Variants in PPP1R14C observed in about 807,000 individuals in gnomAD.
PPP1R14C encodes protein phosphatase 1 regulatory subunit 14C.
In PPP1R14C, 16 loss-of-function variants were observed where a neutral mutation model predicts 20.4. The ratio of observed to expected loss-of-function variants is 0.78; its 90% confidence interval spans 0.53 to 1.19. The LOEUF (loss-of-function observed/expected upper bound fraction) is 1.19. Ranked by LOEUF, PPP1R14C falls within the 50% of genes most tolerant of loss-of-function variation. PPP1R14C has a pLI of 0.00. For missense variants in PPP1R14C, 211 were observed against 220.1 expected, an observed-to-expected ratio of 0.96 and a Z score of 0.26; for synonymous variants, 91 against 91.0, an observed-to-expected ratio of 1.00 and a Z score of 0.00.
Position 150,143,262 on chromosome 6 carries a change from C to A in PPP1R14C, c.70C>A (p.Gln24Lys), listed in dbSNP as rs1777136744. Residue 24 changes from glutamine to lysine, a missense_variant, in exon 1 of 4, where the codon CAA (glutamine) becomes AAA (lysine). Transcript: ENST00000361131. This position sits in a 1 kb window ranked among gnomAD's most constrained non-coding sequence, Gnocchi z 5.6. ...CGGCGGCGGCGCACGGGTTTTCTTC[C>A]AAAGCCCCCGGGGTGGCGCCGGTGG... Reference protein sequence around the residue: ...ASGGGARVFFQSPRGGAGGSP... With the variant: ...ASGGGARVFFKSPRGGAGGSP... The A allele has an allele frequency of 6.8e-7, 1 of 1,466,610 alleles. No homozygotes were observed. Among genetic ancestry groups the A allele is most frequent in the Non-Finnish European group, 8.9e-7 (1 of 1,120,028 alleles). 90.8% of individuals were successfully genotyped at this position (1,466,610 alleles called of 1,614,324 possible).
At chr6:150,183,124 G>GT (rs1273467047) in intron 1 of PPP1R14C, among the ~76,000 whole-genome samples, 5 of 151,262 alleles carry the variant, frequency 3.3e-5, no homozygotes, top group Admixed American at 2.0e-4. Context: ...ATATTCTGTT[G>GT]TTTTTTTAAT....
In PPP1R14C at chr6:150,204,179, C is replaced by T. The variant is rs925347506; in HGVS notation, c.307-10565C>T. ...GTTCTCAGTGTCCTCGTTTATGCCA[C>T]GGCTTAGAAGATTGTCCTTGCCATC... On this transcript the variant is annotated intron_variant, in intron 1 of 3. Coordinates refer to ENST00000361131, the MANE Select transcript of PPP1R14C (RefSeq NM_030949.3). Among the ~76,000 whole-genome samples the T allele has an allele frequency of 5.3e-5, 8 of 152,328 alleles. No individual in the cohort carries two copies. In the East Asian group the frequency reaches 7.7e-4, roughly 15 times the overall value.
chr6:150,228,090 G>A (rs1350061905), intron 3 of PPP1R14C, among the ~76,000 whole-genome samples: 2 of 152,264 alleles, frequency 1.3e-5, no homozygotes, highest in South Asian at 2.1e-4. Flanking sequence ...TTGAGCACAA[G>A]CTCTACTTTA....
At position 150,143,053 on chromosome 6, in the gene PPP1R14C, G is replaced by C. The variant is rs1017819200; in HGVS notation, c.-140G>C. The C allele has an allele frequency of 3.2e-5, 34 of 1,069,162 alleles. No individual in the cohort carries two copies. The highest frequency in any genetic ancestry group is 5.3e-5 in the Admixed American group (1 of 18,912). The allele number at this position is 1,069,162 out of a possible 1,614,324, so 66.2% of individuals were successfully genotyped here. On this transcript the variant is annotated 5_prime_UTR_variant, in exon 1 of 4. Coordinates refer to ENST00000361131, the MANE Select transcript of PPP1R14C (RefSeq NM_030949.3). This position sits in a 1 kb window ranked among gnomAD's most constrained non-coding sequence, Gnocchi z 5.6. ...CTCCTCCCGCCCTCCCAGAGCAGCCGGGCGGCTGGGCGCGCGCGGCGCAGA... is the reference window on the plus strand; with the variant it reads ...CTCCTCCCGCCCTCCCAGAGCAGCCCGGCGGCTGGGCGCGCGCGGCGCAGA...
intron 1 of PPP1R14C, among the ~76,000 whole-genome samples, chr6:150,206,117 A>G (rs1430142544): frequency 6.6e-6 from 1 of 152,102 alleles, no homozygotes; most frequent in Non-Finnish European, 1.5e-5. Context: ...CTTCTTAGAC[A>G]CAGCCTGGCA....
rs544485611 is a variant in PPP1R14C at position 150,223,104 on chromosome 6, A to G, written c.423+6248A>G. Among the ~76,000 whole-genome samples the G allele has an allele frequency of 3.7e-4, 57 of 152,344 alleles. No individual in the cohort carries two copies. In the South Asian group the frequency reaches 0.011, roughly 30 times the overall value. On this transcript the variant is annotated intron_variant, in intron 3 of 3. Coordinates refer to ENST00000361131, the MANE Select transcript of PPP1R14C (RefSeq NM_030949.3). ...TTTAAAAAATGTGATGTCAACATTT[A>G]GCAGCTACAGACTGGCTTCTTTTCC...
intron 1 of PPP1R14C, among the ~76,000 whole-genome samples, chr6:150,167,965 T>TCTTTCTCCCCTTCTCTCCTCCCC (rs1582900427): frequency 1.7e-3 from 7 of 4,036 alleles, no homozygotes; most frequent in South Asian, 0.011. Flanking sequence ...TCTCCTCCCC[T>TCTTTCTCCCCTTCTCTCCTCCCC]CTTTCTCTCC....
intron 1 of PPP1R14C, 65 bp from the exon 2 acceptor site, chr6:150,214,679 C>A: frequency 8.4e-7 from 1 of 1,184,328 alleles, no homozygotes. Context: ...CTTAACCTAA[C>A]TGGTGGGGTA....
At chr6:150,158,520 T>C (rs1199861054) in intron 1 of PPP1R14C, among the ~76,000 whole-genome samples, 2 of 152,202 alleles carry the variant, frequency 1.3e-5, no homozygotes, top group Non-Finnish European at 2.9e-5. Context: ...AGATAACATG[T>C]ATTCTAGGTA....
intron 1 of PPP1R14C, among the ~76,000 whole-genome samples, chr6:150,150,731 C>T (rs1777236300): frequency 6.6e-6 from 1 of 152,158 alleles, no homozygotes; most frequent in Non-Finnish European, 1.5e-5. Context: ...CAGTCTCCTC[C>T]TCTGCAAGCT....
At chr6:150,241,710 A>G (rs929949302) in intron 3 of PPP1R14C, among the ~76,000 whole-genome samples, 1 of 152,210 alleles carries the variant, frequency 6.6e-6, no homozygotes, top group Non-Finnish European at 1.5e-5. Flanking sequence ...AACATGGCGA[A>G]ACCCCATCTC....
intron 2 of PPP1R14C, among the ~76,000 whole-genome samples, chr6:150,216,298 C>A (rs1778091936): frequency 6.6e-6 from 1 of 152,170 alleles, no homozygotes; most frequent in Non-Finnish European, 1.5e-5. Flanking sequence ...GAGTTCGAGA[C>A]CAGCCTGGCT....
At chr6:150,180,874 C>A (rs1309402541) in intron 1 of PPP1R14C, among the ~76,000 whole-genome samples, 1 of 152,092 alleles carries the variant, frequency 6.6e-6, no homozygotes, top group African/African-American at 2.4e-5. Context: ...GGGCTCTAGA[C>A]AAAATAAGAG....
intron 1 of PPP1R14C, among the ~76,000 whole-genome samples, chr6:150,189,248 G>A (rs1033675859): frequency 3.9e-5 from 6 of 152,104 alleles, no homozygotes; most frequent in African/African-American, 1.2e-4. Context: ...AGATCAATCC[G>A]TGAGGGTCTG....
chr6:150,196,430 G>GAATCTAGTT (rs1777805337), intron 1 of PPP1R14C, among the ~76,000 whole-genome samples: 1 of 151,498 alleles, frequency 6.6e-6, no homozygotes, highest in African/African-American at 2.4e-5. Context: ...TCCAATTCTT[G>GAATCTAGTT]AATCTAGTTT....
rs921957844 is a variant in PPP1R14C at position 150,143,866 on chromosome 6, G to T, written c.306+368G>T. On this transcript the variant is annotated intron_variant, in intron 1 of 3. Coordinates refer to ENST00000361131, the MANE Select transcript of PPP1R14C (RefSeq NM_030949.3). The surrounding 1 kb of genome is among the most constrained non-coding windows in gnomAD (Gnocchi z 5.6). ...CTCACTCCAGCTGCGCCTCAGCAGC[G>T]GTTGGGGATACAGCAGCCAAAGAGA... is the stretch of plus-strand genomic sequence containing the variant. Among the ~76,000 whole-genome samples the T allele has an allele frequency of 6.6e-6, 1 of 152,226 alleles. No individual in the cohort carries two copies. Among genetic ancestry groups the T allele is most frequent in the South Asian group, 2.1e-4 (1 of 4,838 alleles).
At chr6:150,166,608 A>G (rs565381517) in intron 1 of PPP1R14C, among the ~76,000 whole-genome samples, 1 of 152,204 alleles carries the variant, frequency 6.6e-6, no homozygotes, top group African/African-American at 2.4e-5. Flanking sequence ...TGCCTCCGCC[A>G]GCACTTATTG....
chr6:150,220,052 GC>G (rs1183569299), intron 3 of PPP1R14C, among the ~76,000 whole-genome samples: 1 of 152,076 alleles, frequency 6.6e-6, no homozygotes, highest in Non-Finnish European at 1.5e-5. Context: ...GGCGGATTTT[GC>G]CATGTTGGCC....
intron 1 of PPP1R14C, chr6:150,196,171 G>A: frequency 1.0e-6 from 1 of 961,074 alleles, no homozygotes; most frequent in South Asian, 4.8e-5. Context: ...GCTTCTAGCT[G>A]TACTGCCTGG....
Sources: allele counts gnomAD v4.1 joint callset (sites outside exome capture counted in the v4.1 genomes callset), GRCh38; gene constraint gnomAD v4.1.1; non-coding constraint Gnocchi (gnomAD v3.1); transcripts MANE v1.5; gene names NCBI Gene and HGNC (gene_info 2026-07-23, HGNC 2026-07-21).